The following NCOR1 variants were observed in gnomAD, a reference collection of about 807,000 sequenced individuals.
The protein encoded by NCOR1 is protein phosphatase 1, regulatory subunit 109.
A neutral mutation model predicts 288.1 loss-of-function variants in NCOR1; 63 were observed. The observed-to-expected ratio is 0.22, with a 90% CI of 0.18 to 0.27. NCOR1 has a LOEUF of 0.27. Among genes scored for constraint, NCOR1 ranks in the 10% least tolerant of loss-of-function variants. NCOR1 has a pLI of 1.00. For missense variants in NCOR1, 2,397 were observed against 3,019.2 expected (o/e 0.79, Z 4.83); for synonymous variants, 1,007 against 1,065.9 (o/e 0.94, Z 1.08).
chr17:16,101,201 C>T (rs756223005), intron 20 of NCOR1, 49 bp downstream of exon 20: 1 of 1,520,050 alleles, frequency 6.6e-7, no homozygotes, highest in South Asian at 1.3e-5. Context: ...GTGATTCAGT[C>T]ACCAACCAGC....
At chr17:16,067,464 T>TA (rs990758695) in intron 32 of NCOR1, among the ~76,000 whole-genome samples, 3 of 152,146 alleles carry the variant, frequency 2.0e-5, no homozygotes, top group African/African-American at 2.4e-5. Context: ...TAGCTTTACT[T>TA]AAAAAAAAGA....
At chr17:16,194,898 C>T (rs1398360948) in intron 1 of NCOR1, among the ~76,000 whole-genome samples, 3 of 152,114 alleles carry the variant, frequency 2.0e-5, no homozygotes, top group Non-Finnish European at 4.4e-5. Context: ...AGCATAAGAT[C>T]TGGCACATAA....
chr17:16,040,816 G>A, intron 42 of NCOR1: 1 of 309,062 alleles, frequency 3.2e-6, no homozygotes, highest in Non-Finnish European at 6.2e-6. Context: ...GACTGCTTGA[G>A]CATAGGAATT....
chr17:16,176,038 G>A (rs1304987088), intron 3 of NCOR1, among the ~76,000 whole-genome samples: 1 of 151,758 alleles, frequency 6.6e-6, no homozygotes, highest in Non-Finnish European at 1.5e-5. Context: ...CCAACATGGA[G>A]AAACCCCATC....
In NCOR1 at chr17:16,174,353, A is replaced by G. The variant is rs548282861; in HGVS notation, c.243-2358T>C. On this transcript the variant is annotated intron_variant, in intron 3 of 45. Coordinates refer to ENST00000268712, the MANE Select transcript of NCOR1 (RefSeq NM_006311.4). ...CACTAAGGCCAGAGGTAATCTACCC[A>G]AGTAATGCCTTAGCTGGACTTCTGC... 4.6e-5 allele frequency among the ~76,000 whole-genome samples: 7 copies of G among 152,324 alleles called. No homozygotes were observed. In the South Asian group the frequency reaches 1.2e-3, roughly 27 times the overall value.
rs553043064 is a variant in NCOR1 at position 16,030,076 on chromosome 17, T to TA, written c.*2219dup. On this transcript the variant is annotated 3_prime_UTR_variant, in exon 46 of 46. Transcript: ENST00000268712. Reference sequence around the variant, plus strand: ...ATGGCCTACTGCTGACCAGAAGTCTTACGGATAACATAGTCGATTGACACA... The same window carrying TA: ...ATGGCCTACTGCTGACCAGAAGTCTTAACGGATAACATAGTCGATTGACACA... 5.4e-4 allele frequency: 96 copies of TA among 177,698 alleles called. No homozygotes were observed. In the East Asian group the frequency reaches 7.3e-3, roughly 14 times the overall value. The allele number at this position is 177,698 out of a possible 1,614,324, so 11.0% of individuals were successfully genotyped here.
At chr17:16,150,679 C>T (rs1384899217) in intron 8 of NCOR1, among the ~76,000 whole-genome samples, 2 of 148,822 alleles carry the variant, frequency 1.3e-5, no homozygotes. Context: ...GGACACAACA[C>T]AAACATAACA....
chr17:16,189,201 C>A (rs977842268), intron 2 of NCOR1, among the ~76,000 whole-genome samples: 7 of 152,088 alleles, frequency 4.6e-5, no homozygotes, highest in African/African-American at 1.7e-4. Flanking sequence ...TCACACAAAC[C>A]TGGCCAACTT....
chr17:16,118,433 T>C (rs919436456), intron 17 of NCOR1, among the ~76,000 whole-genome samples: 9 of 152,150 alleles, frequency 5.9e-5, no homozygotes, highest in Admixed American at 2.6e-4. Context: ...TAAAGACATA[T>C]ATATGACTCC....
rs1567592457 is a variant in NCOR1 at position 16,029,839 on chromosome 17, A to G, written c.*2457T>C. ...TGATGGTAAATAAAGTAATACGCACATGCATTATGATGAGGATGGAGGGAG... is the reference window on the plus strand; with the variant it reads ...TGATGGTAAATAAAGTAATACGCACGTGCATTATGATGAGGATGGAGGGAG... On this transcript the variant is annotated 3_prime_UTR_variant, in exon 46 of 46. Coordinates refer to ENST00000268712, the MANE Select transcript of NCOR1 (RefSeq NM_006311.4). 6.6e-6 allele frequency: 1 copy of G among 152,640 alleles called. No homozygotes were observed. Among genetic ancestry groups the G allele is most frequent in the African/African-American group, 2.4e-5 (1 of 41,444 alleles). The allele number at this position is 152,640 out of a possible 1,614,324, so 9.5% of individuals were successfully genotyped here.
rs752454567 is a variant in NCOR1, at chr17:16,086,384, CGGA to C, written c.3072_3074del (p.Pro1025del). The C allele has an allele frequency of 1.2e-6, 2 of 1,613,986 alleles. No individual in the cohort carries two copies. The highest frequency in any genetic ancestry group is 2.2e-5 in the South Asian group (2 of 91,066). ...GCGGTGGCCTGGTTGGTCGAGTTGT[CGGA>C]AGCCGAACGCCTTCAGGGAGATTAG... On this transcript the variant is annotated inframe_deletion, in exon 23 of 46. Transcript: ENST00000268712.
At chr17:16,152,138 TTTTA>T (rs1169564521) in intron 7 of NCOR1, 140 bp from the exon 8 acceptor site, 2 of 506,508 alleles carry the variant, frequency 3.9e-6, no homozygotes, top group Non-Finnish European at 6.8e-6. Context: ...ACCTCCAAAC[TTTTA>T]TTTTTTTATT....
intron 22 of NCOR1, among the ~76,000 whole-genome samples, chr17:16,088,281 G>A (rs1407112746): frequency 6.6e-6 from 1 of 152,070 alleles, no homozygotes; most frequent in Non-Finnish European, 1.5e-5. Context: ...TTTTCTAGTT[G>A]AGAAATCTTG....
chr17:16,210,816 G>A (rs1302298714), intron 1 of NCOR1, among the ~76,000 whole-genome samples: 1 of 150,720 alleles, frequency 6.6e-6, no homozygotes, highest in Admixed American at 6.6e-5. Context: ...TGCAAGCTCC[G>A]CCTCCCGGGT....
chr17:16,042,399 G>C (rs548398428), intron 42 of NCOR1, among the ~76,000 whole-genome samples: 16 of 152,304 alleles, frequency 1.1e-4, no homozygotes, highest in African/African-American at 3.8e-4. Flanking sequence ...TTTCCTATAA[G>C]TTAACCAATG....
At chr17:16,133,036 T>C (rs1488825180) in intron 14 of NCOR1, among the ~76,000 whole-genome samples, 1 of 152,030 alleles carries the variant, frequency 6.6e-6, no homozygotes, top group African/African-American at 2.4e-5. Context: ...TGGCATGATC[T>C]AGGCTCGCTG....
At chr17:16,095,099 C>G (rs1175410218) in intron 21 of NCOR1, among the ~76,000 whole-genome samples, 2 of 151,362 alleles carry the variant, frequency 1.3e-5, no homozygotes, top group African/African-American at 2.4e-5. Context: ...TGCCCGGCCG[C>G]CATCCCACCT....
At position 16,070,443 on chromosome 17, in the gene NCOR1, T is replaced by G; in HGVS notation, c.4235A>C (p.Lys1412Thr). ...CAGCGGAGGCATTCCACGGGATAGT[T>G]TGCTAGGCCCCGTGATTAAGGATTT... ...NVKSLITGPS[K>T]LSRGMPPLEI... The change falls in exon 31 of 46, where the codon AAA (lysine) becomes ACA (threonine). Residue 1412 changes from lysine to threonine, a missense_variant. By Grantham distance (78) the Lys-to-Thr change is moderately conservative. Coordinates refer to ENST00000268712, the MANE Select transcript of NCOR1 (RefSeq NM_006311.4). The G allele has an allele frequency of 1.2e-6, 2 of 1,614,236 alleles. No individual in the cohort carries two copies. The highest frequency in any genetic ancestry group is 1.7e-6 in the Non-Finnish European group (2 of 1,180,044).
At chr17:16,051,176 A>G (rs986891784) in intron 40 of NCOR1, among the ~76,000 whole-genome samples, 1 of 152,184 alleles carries the variant, frequency 6.6e-6, no homozygotes, top group African/African-American at 2.4e-5. Flanking sequence ...TTTACATAGC[A>G]TACTTCAGCC....
Sources: gnomAD v4.1 joint callset for allele counts (sites outside exome capture counted in the v4.1 genomes callset) on GRCh38, gnomAD v4.1.1 for gene constraint, MANE v1.5 for transcripts, NCBI Gene and HGNC (gene_info 2026-07-23, HGNC 2026-07-21) for gene names.